AGBL4: variants seen among roughly 807,000 people sequenced by gnomAD.
AGBL4 encodes the protein AGBL carboxypeptidase 4.
In AGBL4, 58 loss-of-function variants were observed where a neutral mutation model predicts 66.4. The observed-to-expected ratio is 0.87, with a 90% CI of 0.71 to 1.09. The LOEUF (loss-of-function observed/expected upper bound fraction) is 1.09, where lower values mean the gene tolerates loss of function less well. Ranked by LOEUF, AGBL4 falls within the 50% of genes least tolerant of loss-of-function variation. AGBL4 has a pLI of 0.00. For synonymous variants in AGBL4, 234 were observed against 222.9 expected (o/e 1.05, Z -0.44); for missense variants, 579 against 631.0 (o/e 0.92, Z 0.88).
intron 1 of AGBL4, among the ~76,000 whole-genome samples, chr1:49,889,357 T>C (rs944461101): frequency 6.6e-6 from 1 of 152,180 alleles, no homozygotes; most frequent in Non-Finnish European, 1.5e-5. Context: ...TAAATAAGCA[T>C]TTTCATCAAC....
chr1:49,425,579 T>C (rs904655121), intron 3 of AGBL4, among the ~76,000 whole-genome samples: 25 of 152,336 alleles, frequency 1.6e-4, no homozygotes, highest in Admixed American at 7.2e-4. Flanking sequence ...GTAATACATA[T>C]ATTTTTGTCT....
chr1:48,870,434 T>C (rs971026607), intron 5 of AGBL4, among the ~76,000 whole-genome samples: 1 of 152,148 alleles, frequency 6.6e-6, no homozygotes, highest in Admixed American at 6.5e-5. Context: ...CTGGAAGGAA[T>C]GTTTGATGTC....
chr1:49,503,010 T>A (rs1648317913), intron 3 of AGBL4, among the ~76,000 whole-genome samples: 1 of 152,142 alleles, frequency 6.6e-6, no homozygotes, highest in Non-Finnish European at 1.5e-5. Flanking sequence ...TTCCAGGGCA[T>A]GTCACAGACC....
At chr1:49,605,643 T>C (rs538507503) in intron 3 of AGBL4, among the ~76,000 whole-genome samples, 2 of 152,304 alleles carry the variant, frequency 1.3e-5, no homozygotes, top group East Asian at 1.9e-4. Context: ...CTTGTTGCCA[T>C]GGCAATGCCA....
At position 49,487,954 on chromosome 1, in the gene AGBL4, G is replaced by A. The variant is rs866940845; in HGVS notation, c.282+209359C>T. Reference sequence around the variant, plus strand: ...TAATTGAAACCAAGTGCTCCAATACGTAAACATTAGATTATTTGTGTTTTT... The same window carrying A: ...TAATTGAAACCAAGTGCTCCAATACATAAACATTAGATTATTTGTGTTTTT... On this transcript the variant is annotated intron_variant, in intron 3 of 13. Coordinates refer to ENST00000371839, the MANE Select transcript of AGBL4 (RefSeq NM_032785.4). 5.3e-5 allele frequency among the ~76,000 whole-genome samples: 8 copies of A among 151,808 alleles called. No individual in the cohort carries two copies. The South Asian group carries it at 8.3e-4, about 16-fold the overall frequency.
At chr1:49,963,774 G>C (rs565608308) in intron 1 of AGBL4, among the ~76,000 whole-genome samples, 1 of 152,194 alleles carries the variant, frequency 6.6e-6, no homozygotes, top group South Asian at 2.1e-4. Context: ...TTGGCAATTT[G>C]ACTATATATT....
intron 4 of AGBL4, among the ~76,000 whole-genome samples, chr1:49,159,049 T>C (rs1646490716): frequency 6.6e-6 from 1 of 151,336 alleles, no homozygotes; most frequent in African/African-American, 2.4e-5. Flanking sequence ...AATTGGGGCA[T>C]TTAGCCCATT....
At chr1:48,645,492 G>T (rs145107890) in intron 8 of AGBL4, among the ~76,000 whole-genome samples, 3 of 152,274 alleles carry the variant, frequency 2.0e-5, no homozygotes, top group East Asian at 1.9e-4. Context: ...GCTGAGGAGA[G>T]CTCAATGTCA....
chr1:48,857,113 C>G (rs1212563565), intron 6 of AGBL4, among the ~76,000 whole-genome samples: 1 of 152,138 alleles, frequency 6.6e-6, no homozygotes, highest in Non-Finnish European at 1.5e-5. Flanking sequence ...GGAAAGATAA[C>G]TGCCTTATGG....
intron 3 of AGBL4, among the ~76,000 whole-genome samples, chr1:49,631,223 G>A (rs750477156): frequency 6.6e-5 from 10 of 152,062 alleles, no homozygotes; most frequent in Non-Finnish European, 1.0e-4. Context: ...TACTTTGTAC[G>A]GGCATTTAAA....
At chr1:49,906,166 C>G (rs745427861) in intron 1 of AGBL4, among the ~76,000 whole-genome samples, 1 of 148,896 alleles carries the variant, frequency 6.7e-6, no homozygotes, top group African/African-American at 2.5e-5. Flanking sequence ...TGATCCTTAT[C>G]CAATTAAGTA....
At chr1:48,904,056 A>G (rs1161267800) in intron 5 of AGBL4, among the ~76,000 whole-genome samples, 1 of 152,186 alleles carries the variant, frequency 6.6e-6, no homozygotes, top group Non-Finnish European at 1.5e-5. Context: ...ACGTGGGTGG[A>G]TCACCTGAGG....
chr1:49,328,038 C>A lies in AGBL4; in HGVS notation c.283-82174G>T, dbSNP rs879165543. Among the ~76,000 whole-genome samples the A allele has an allele frequency of 2.6e-5, 4 of 152,118 alleles. No homozygotes were observed. In the South Asian group the frequency reaches 8.3e-4, roughly 32 times the overall value. ...AGCAATAAGCTCAAATGTCTCTCAG[C>A]AAACTGTCCTGCAAGAAAGGAAATT... is the stretch of plus-strand genomic sequence containing the variant. On this transcript the variant is annotated intron_variant, in intron 3 of 13. Coordinates refer to ENST00000371839, the MANE Select transcript of AGBL4 (RefSeq NM_032785.4).
chr1:49,570,748 G>A (rs553029256), intron 3 of AGBL4, among the ~76,000 whole-genome samples: 1 of 152,028 alleles, frequency 6.6e-6, no homozygotes, highest in East Asian at 1.9e-4. Context: ...AATTCATCTT[G>A]AGTTTATTTT....
intron 5 of AGBL4, among the ~76,000 whole-genome samples, chr1:48,912,822 A>G (rs1043159796): frequency 3.9e-5 from 6 of 152,154 alleles, no homozygotes; most frequent in African/African-American, 1.4e-4. Flanking sequence ...AGACAGATAA[A>G]CAGCCTGACC....
chr1:49,184,117 A>C (rs985128485), intron 4 of AGBL4, among the ~76,000 whole-genome samples: 15 of 152,318 alleles, frequency 9.8e-5, no homozygotes, highest in African/African-American at 3.6e-4. Context: ...ACAAGGTGCC[A>C]GATGTAGAAC....
the AGBL4 span, among the ~76,000 whole-genome samples, chr1:48,523,726 T>TGAC: frequency 6.6e-6 from 1 of 151,788 alleles, no homozygotes; most frequent in South Asian, 2.1e-4. Context: ...GCCAGAGCAA[T>TGAC]GTACAGTCAT....
intron 3 of AGBL4, among the ~76,000 whole-genome samples, chr1:49,652,316 A>T (rs1014371864): frequency 6.6e-6 from 1 of 152,234 alleles, no homozygotes; most frequent in South Asian, 2.1e-4. Context: ...CTCTTGCTGT[A>T]GAGGTAGACA....
At chr1:49,339,391 T>C (rs1253666078) in intron 3 of AGBL4, among the ~76,000 whole-genome samples, 1 of 152,178 alleles carries the variant, frequency 6.6e-6, no homozygotes, top group Non-Finnish European at 1.5e-5. Flanking sequence ...ATGTTTTTCG[T>C]GGATGGTGGA....
Sources: gnomAD v4.1 joint callset for allele counts (sites outside exome capture counted in the v4.1 genomes callset) on GRCh38, gnomAD v4.1.1 for gene constraint, MANE v1.5 for transcripts, NCBI Gene and HGNC (gene_info 2026-07-23, HGNC 2026-07-21) for gene names.